Variants in C16orf96 observed in about 807,000 individuals in gnomAD.
C16orf96 encodes uncharacterized protein C16orf96.
C16orf96 carries 108 observed loss-of-function variants against 103.6 expected under a neutral mutation model. The ratio of observed to expected loss-of-function variants is 1.04; its 90% confidence interval spans 0.89 to 1.22. The LOEUF is 1.22. C16orf96 is among the 50% of genes most tolerant of loss of function. The probability of loss-of-function intolerance (pLI) is 0.00; values close to 1 mark genes in which losing one functional copy is unlikely to be tolerated. For synonymous variants in C16orf96, 566 were observed against 593.5 expected, an observed-to-expected ratio of 0.95 and a Z score of 0.67; for missense variants, 1,586 against 1,464.2, an observed-to-expected ratio of 1.08 and a Z score of -1.36.
intron 14 of C16orf96, among the ~76,000 whole-genome samples, chr16:4,596,155 AG>A (rs1897166878): frequency 1.3e-5 from 2 of 152,146 alleles, no homozygotes; most frequent in Non-Finnish European, 2.9e-5. Flanking sequence ...GGTGGCTTAA[AG>A]CAGCTGAAGT....
intron 1 of C16orf96, among the ~76,000 whole-genome samples, chr16:4,558,680 C>A (rs912361816): frequency 2.0e-5 from 3 of 151,800 alleles, no homozygotes; most frequent in Non-Finnish European, 2.9e-5. Flanking sequence ...TTCGGGAGGC[C>A]AAGGTGGGTG....
At chr16:4,545,683 A>G in the C16orf96 span, among the ~76,000 whole-genome samples, 1 of 152,046 alleles carries the variant, frequency 6.6e-6, no homozygotes, top group Non-Finnish European at 1.5e-5. Flanking sequence ...CCATCCACCA[A>G]CAGCACCCAC....
At chr16:4,585,826 A>G (rs922276933) in intron 7 of C16orf96, among the ~76,000 whole-genome samples, 93 of 152,270 alleles carry the variant, frequency 6.1e-4, no homozygotes, top group African/African-American at 2.2e-3. Context: ...CATTATTCTA[A>G]GTGAAGCAAC....
intron 15 of C16orf96, 136 bp from the exon 16 acceptor site, chr16:4,599,964 T>C (rs7403819): frequency 0.99 from 860,856 of 870,162 alleles, 426,362 homozygotes; most frequent in East Asian, 1. Flanking sequence ...TGAGGTATGG[T>C]GCCCAGCCGG....
At chr16:4,581,936 C>T (rs1253537498) in intron 7 of C16orf96, among the ~76,000 whole-genome samples, 1 of 151,966 alleles carries the variant, frequency 6.6e-6, no homozygotes, top group Admixed American at 6.6e-5. Flanking sequence ...GCCTGGGTGA[C>T]ACAGAAAGAC....
intron 14 of C16orf96, among the ~76,000 whole-genome samples, chr16:4,595,382 A>C (rs1485633639): frequency 6.6e-6 from 1 of 152,222 alleles, no homozygotes; most frequent in Non-Finnish European, 1.5e-5. Context: ...TTAATATCAC[A>C]GGCAAGGGTT....
Position 4,568,171 on chromosome 16 carries a change from C to A in C16orf96, c.421-3390C>A, listed in dbSNP as rs540373830. Among the ~76,000 whole-genome samples the A allele has an allele frequency of 2.0e-5, 3 of 152,208 alleles. No homozygotes were observed. In the East Asian group the frequency reaches 5.8e-4, roughly 29 times the overall value. ...ACTCCTGCCTCAAGCTCCCAAAGTGCTGAATTACAGGCATGAGCCACCATA... is the reference window on the plus strand; with the variant it reads ...ACTCCTGCCTCAAGCTCCCAAAGTGATGAATTACAGGCATGAGCCACCATA... On this transcript the variant is annotated intron_variant, in intron 1 of 15. Coordinates refer to ENST00000444310, the MANE Select transcript of C16orf96 (RefSeq NM_001145011.2).
chr16:4,600,506 C>G lies in C16orf96; in HGVS notation c.*189C>G. ...GCTCATGCGCCCCCCCCCATCCCTA[C>G]CAAGTCCCCTCCACGTCCGAGGCTG... On this transcript the variant is annotated 3_prime_UTR_variant, in exon 16 of 16. Coordinates refer to ENST00000444310, the MANE Select transcript of C16orf96 (RefSeq NM_001145011.2). The G allele has an allele frequency of 2.1e-6, 1 of 466,386 alleles. No homozygotes were observed. Among genetic ancestry groups the G allele is most frequent in the Non-Finnish European group, 3.9e-6 (1 of 256,932 alleles). 28.9% of individuals were successfully genotyped at this position (466,386 alleles called of 1,614,324 possible). A position where few individuals can be genotyped will look rare whatever the true frequency, so the allele number is the denominator to read the frequency against.
rs2059422778 is a variant in C16orf96, at chr16:4,570,198, C to G, written c.421-1363C>G. Among the ~76,000 whole-genome samples the G allele has an allele frequency of 2.6e-5, 4 of 152,272 alleles. 1 individual carries two copies. The South Asian group carries it at 8.3e-4, about 32-fold the overall frequency. ...TCCTGAGCTCAAATGATACTCCTGC[C>G]TCAAGCTCCCAAAGTGCTGATAATT... is the stretch of plus-strand genomic sequence containing the variant. On this transcript the variant is annotated intron_variant, in intron 1 of 15. Transcript: ENST00000444310.
chr16:4,599,895 C>A lies in C16orf96; in HGVS notation c.3209-205C>A, dbSNP rs542299751. On this transcript the variant is annotated intron_variant, in intron 15 of 15. Coordinates refer to ENST00000444310, the MANE Select transcript of C16orf96 (RefSeq NM_001145011.2). ...GCTCTGCTCCATTTAAGCAAACATTCCTGGTGTCATTTATCTTGGGTCACC... is the reference window on the plus strand; with the variant it reads ...GCTCTGCTCCATTTAAGCAAACATTACTGGTGTCATTTATCTTGGGTCACC... Among the ~76,000 whole-genome samples the A allele has an allele frequency of 2.2e-4, 33 of 152,318 alleles. No homozygotes were observed. In the South Asian group the frequency reaches 6.6e-3, roughly 31 times the overall value.
In C16orf96 at chr16:4,596,774, G is replaced by A. The variant is rs190289656; in HGVS notation, c.3127+1971G>A. Among the ~76,000 whole-genome samples, 244 of 152,280 alleles carry A rather than the reference G, an allele frequency of 1.6e-3. 1 individual carries two copies. Among genetic ancestry groups the A allele is most frequent in the Admixed American group, 2.3e-3 (35 of 15,294 alleles). ...AAATACAGCCAGAGTTGATCCTCCC[G>A]CTGTCCTGGAGGCTGGAAATCCTAA... On this transcript the variant is annotated intron_variant, in intron 14 of 15. Coordinates refer to ENST00000444310, the MANE Select transcript of C16orf96 (RefSeq NM_001145011.2).
chr16:4,582,874 G>T (rs562948422), intron 7 of C16orf96, among the ~76,000 whole-genome samples: 133 of 152,324 alleles, frequency 8.7e-4, no homozygotes, highest in African/African-American at 3.1e-3. Flanking sequence ...CCTGCCACGT[G>T]TGCCAAAACA....
At chr16:4,558,465 A>G (rs1327178831) in intron 1 of C16orf96, among the ~76,000 whole-genome samples, 1 of 152,006 alleles carries the variant, frequency 6.6e-6, no homozygotes, top group African/African-American at 2.4e-5. Flanking sequence ...AAATGAATAA[A>G]TTAGCCGGGT....
intron 9 of C16orf96, among the ~76,000 whole-genome samples, chr16:4,591,317 G>C (rs1173275792): frequency 1.3e-5 from 2 of 152,218 alleles, no homozygotes; most frequent in Admixed American, 6.5e-5. Context: ...AACATGTGTT[G>C]AGTGTGTGAA....
At chr16:4,545,088 C>T in the C16orf96 span, among the ~76,000 whole-genome samples, 1 of 152,166 alleles carries the variant, frequency 6.6e-6, no homozygotes, top group Non-Finnish European at 1.5e-5. Flanking sequence ...CTAACAGGTT[C>T]TCCATGACCA....
chr16:4,574,658 G>T (rs962462589), intron 2 of C16orf96, 51 bp from the exon 3 acceptor site: 13 of 1,435,356 alleles, frequency 9.1e-6, no homozygotes, highest in Non-Finnish European at 1.2e-5. Flanking sequence ...GAAAAGGCAG[G>T]GGTGGGACAG....
chr16:4,552,396 C>A (rs1006736207), upstream of C16orf96, among the ~76,000 whole-genome samples: 1 of 149,642 alleles, frequency 6.7e-6, no homozygotes, highest in Non-Finnish European at 1.5e-5. Context: ...GCAGGAGAGT[C>A]GCTTGAACCC....
At chr16:4,595,756 G>A (rs1897158324) in intron 14 of C16orf96, among the ~76,000 whole-genome samples, 1 of 152,036 alleles carries the variant, frequency 6.6e-6, no homozygotes, top group African/African-American at 2.4e-5. Context: ...GCCCAGGCTG[G>A]AGTGCAGTGG....
At chr16:4,550,701 G>C in the C16orf96 span, among the ~76,000 whole-genome samples, 2 of 152,164 alleles carry the variant, frequency 1.3e-5, no homozygotes, top group South Asian at 2.1e-4. Context: ...GCCACACAAC[G>C]CATGCCCAGC....
Sources: gnomAD v4.1 joint callset for allele counts (sites outside exome capture counted in the v4.1 genomes callset) on GRCh38, gnomAD v4.1.1 for gene constraint, MANE v1.5 for transcripts, NCBI Gene and HGNC (gene_info 2026-07-23, HGNC 2026-07-21) for gene names.